RBFOX2: variants seen among roughly 807,000 people sequenced by gnomAD.
RBFOX2 encodes the protein RNA binding protein fox-1 homolog 2.
Under a neutral mutation model 49.1 loss-of-function variants are expected in RBFOX2, and 10 were observed. The ratio of observed to expected loss-of-function variants is 0.20; its 90% CI spans 0.13 to 0.35. RBFOX2 has a LOEUF of 0.35. Ranked by LOEUF, RBFOX2 falls within the 10% of genes least tolerant of loss-of-function variation. The probability of loss-of-function intolerance (pLI) is 1.00; values close to 1 mark genes in which losing one functional copy is unlikely to be tolerated. For synonymous variants in RBFOX2, 183 were observed against 187.4 expected, an observed-to-expected ratio of 0.98 and a Z score of 0.19; for missense variants, 323 against 486.9, an observed-to-expected ratio of 0.66 and a Z score of 3.17.
intron 6 of RBFOX2, among the ~76,000 whole-genome samples, chr22:35,764,584 CAA>C (rs1176043873): frequency 1.2e-4 from 7 of 60,770 alleles, no homozygotes; most frequent in Non-Finnish European, 1.1e-4. Flanking sequence ...GACTCCGTCT[CAA>C]AAAAAAAAAA....
At chr22:35,819,246 C>A (rs1386813149) in intron 1 of RBFOX2, among the ~76,000 whole-genome samples, 1 of 152,132 alleles carries the variant, frequency 6.6e-6, no homozygotes, top group African/African-American at 2.4e-5. Context: ...AGGAACCATT[C>A]TCTCAATAGC....
chr22:35,785,262 A>C (rs1946148901), intron 2 of RBFOX2, among the ~76,000 whole-genome samples: 2 of 152,202 alleles, frequency 1.3e-5, no homozygotes, highest in Admixed American at 1.3e-4. Context: ...ATGTTGAGAA[A>C]ATTTTTGATA....
At chr22:35,910,563 A>G (rs1319092019) in intron 1 of RBFOX2, among the ~76,000 whole-genome samples, 4 of 152,174 alleles carry the variant, frequency 2.6e-5, no homozygotes, top group Non-Finnish European at 5.9e-5. Context: ...AGGAATACCA[A>G]TGGAAGGGAT....
At chr22:36,014,433 C>A (rs2146424661) in intron 1 of RBFOX2, among the ~76,000 whole-genome samples, 1 of 152,242 alleles carries the variant, frequency 6.6e-6, no homozygotes, top group Non-Finnish European at 1.5e-5. Context: ...TCTTAAAGAG[C>A]AATCAATACA....
chr22:35,758,510 A>C (rs1937582028), intron 9 of RBFOX2, among the ~76,000 whole-genome samples: 1 of 152,246 alleles, frequency 6.6e-6, no homozygotes, highest in South Asian at 2.1e-4. Context: ...GGTTCCTTTT[A>C]ATGTTTCATT....
chr22:35,993,311 G>A (rs982845835), intron 1 of RBFOX2: 11 of 152,234 alleles, frequency 7.2e-5, no homozygotes, highest in Non-Finnish European at 1.3e-4. Context: ...ATCAGAGGCA[G>A]TTATTAAAAC....
chr22:36,028,433 C>G, exon 1 of RBFOX2: 3 of 1,200,928 alleles, frequency 2.5e-6, no homozygotes, highest in Non-Finnish European at 3.1e-6. Flanking sequence ...CATCCGCCCG[C>G]GCCCCCCTCG....
At chr22:35,889,643 C>T (rs1448217492) in intron 1 of RBFOX2, among the ~76,000 whole-genome samples, 1 of 152,144 alleles carries the variant, frequency 6.6e-6, no homozygotes, top group Admixed American at 6.6e-5. Context: ...TCACTTCACC[C>T]TACTCCCAAT....
chr22:35,828,179 GA>G (rs1956135219), intron 1 of RBFOX2, among the ~76,000 whole-genome samples: 1 of 141,462 alleles, frequency 7.1e-6, no homozygotes, highest in African/African-American at 2.7e-5. Context: ...AAAAAAAAAA[GA>G]AACAGATTTT....
chr22:35,770,233 T>C (rs1942277060), intron 4 of RBFOX2, among the ~76,000 whole-genome samples: 1 of 152,156 alleles, frequency 6.6e-6, no homozygotes, highest in East Asian at 1.9e-4. Context: ...TAAAGAAAGG[T>C]CACAGAGTGA....
chr22:35,764,197 T>C (rs1940024065), intron 6 of RBFOX2, among the ~76,000 whole-genome samples: 1 of 152,132 alleles, frequency 6.6e-6, no homozygotes, highest in Non-Finnish European at 1.5e-5. Flanking sequence ...ATTGAAGACT[T>C]TATGGGATAT....
At chr22:36,024,174 T>A (rs1007377242) in intron 1 of RBFOX2, among the ~76,000 whole-genome samples, 1 of 152,226 alleles carries the variant, frequency 6.6e-6, no homozygotes, top group African/African-American at 2.4e-5. Context: ...TAACTATCTG[T>A]AAAAGGTAAA....
At chr22:35,941,939 T>C (rs1340561236), upstream of RBFOX2, among the ~76,000 whole-genome samples, 2 of 152,208 alleles carry the variant, frequency 1.3e-5, no homozygotes, top group Admixed American at 1.3e-4. Flanking sequence ...CTCTTACAAA[T>C]GCATTAATTT....
intron 1 of RBFOX2, chr22:35,995,282 A>G (rs2058143520): frequency 6.6e-6 from 1 of 152,226 alleles, no homozygotes; most frequent in South Asian, 2.1e-4. Context: ...TTTGTTCCGA[A>G]TAAGAAGGTT....
chr22:35,900,159 G>T (rs2048390042), intron 1 of RBFOX2, among the ~76,000 whole-genome samples: 1 of 152,154 alleles, frequency 6.6e-6, no homozygotes. Context: ...TGTGGCCCAG[G>T]TTGGAGTGCA....
intron 1 of RBFOX2, among the ~76,000 whole-genome samples, chr22:35,810,899 C>T (rs773922913): frequency 4.6e-5 from 7 of 152,086 alleles, no homozygotes; most frequent in Non-Finnish European, 7.4e-5. Flanking sequence ...AAAACCTATA[C>T]AAATATATTG....
chr22:35,967,365 G>A lies in RBFOX2; in HGVS notation c.187-28468C>T, dbSNP rs1027461622. Among the ~76,000 whole-genome samples the A allele has an allele frequency of 7.5e-5, 11 of 147,514 alleles. No homozygotes were observed. In the South Asian group the frequency reaches 1.1e-3, roughly 14 times the overall value. ...CGCACTCTAGCCTGGGCAACAGAGCGAGACCTTGTCTCAAAATAAAAAATT... is the reference window on the plus strand; with the variant it reads ...CGCACTCTAGCCTGGGCAACAGAGCAAGACCTTGTCTCAAAATAAAAAATT... On this transcript the variant is annotated intron_variant, in intron 1 of 13. Coordinates refer to the RBFOX2 transcript ENST00000438146.
At chr22:35,931,481 G>A (rs924039432) in intron 1 of RBFOX2, among the ~76,000 whole-genome samples, 2 of 152,036 alleles carry the variant, frequency 1.3e-5, no homozygotes, top group Non-Finnish European at 2.9e-5. Context: ...TAAAAGGTAT[G>A]GGGTTTCTTG....
At chr22:35,887,333 C>T (rs2046698864) in intron 1 of RBFOX2, among the ~76,000 whole-genome samples, 1 of 152,110 alleles carries the variant, frequency 6.6e-6, no homozygotes, top group African/African-American at 2.4e-5. Flanking sequence ...GGTAACTGTT[C>T]TCTATGCCTT....
Sources: allele counts gnomAD v4.1 joint callset (sites outside exome capture counted in the v4.1 genomes callset), GRCh38; gene constraint gnomAD v4.1.1; transcripts MANE v1.5; gene names NCBI Gene and HGNC (gene_info 2026-07-23, HGNC 2026-07-21).